Variants in PPA2 observed in about 807,000 individuals in gnomAD.
The protein encoded by PPA2 is inorganic pyrophosphatase 2, mitochondrial.
A neutral mutation model predicts 49.5 loss-of-function variants in PPA2; 48 were observed. The observed-to-expected ratio is 0.97, with a 90% CI of 0.77 to 1.23. The LOEUF (loss-of-function observed/expected upper bound fraction) is 1.23, where lower values mean the gene tolerates loss of function less well. Ranked by LOEUF, PPA2 falls within the 50% of genes most tolerant of loss-of-function variation. The pLI, the probability that PPA2 is intolerant of heterozygous loss-of-function variation, is 0.00. For missense variants in PPA2, 429 were observed against 410.1 expected (o/e 1.05, Z -0.40); for synonymous variants, 131 against 139.9 (o/e 0.94, Z 0.45).
At chr4:105,448,772 T>A (rs1221540964) in intron 4 of PPA2, among the ~76,000 whole-genome samples, 7 of 151,826 alleles carry the variant, frequency 4.6e-5, no homozygotes, top group African/African-American at 1.7e-4. Flanking sequence ...AGAATCTACT[T>A]AAACAACCTT....
intron 7 of PPA2, among the ~76,000 whole-genome samples, chr4:105,419,119 A>C (rs186032141): frequency 2.6e-5 from 4 of 151,236 alleles, no homozygotes; most frequent in Admixed American, 1.3e-4. Context: ...CAGGGCATAA[A>C]ATGGTCTTAG....
At chr4:105,440,655 C>G (rs921782459) in intron 5 of PPA2, among the ~76,000 whole-genome samples, 2 of 152,082 alleles carry the variant, frequency 1.3e-5, no homozygotes, top group African/African-American at 4.8e-5. Context: ...AACATGAAGC[C>G]CACATACTTA....
At chr4:105,421,161 G>A (rs576620951) in intron 7 of PPA2, among the ~76,000 whole-genome samples, 3 of 152,262 alleles carry the variant, frequency 2.0e-5, no homozygotes, top group East Asian at 3.9e-4. Context: ...ATACAACTTA[G>A]AGTTATTAGG....
intron 10 of PPA2, among the ~76,000 whole-genome samples, chr4:105,384,817 C>T (rs1733618304): frequency 6.6e-6 from 1 of 152,186 alleles, no homozygotes; most frequent in African/African-American, 2.4e-5. Flanking sequence ...GATTAGACCA[C>T]TCCTTTGCTG....
intron 7 of PPA2, among the ~76,000 whole-genome samples, chr4:105,415,023 T>G (rs975207108): frequency 6.6e-6 from 1 of 151,876 alleles, no homozygotes; most frequent in African/African-American, 2.4e-5. Context: ...GGTTGTCCCG[T>G]CCTCCCGAGT....
At chr4:105,413,938 T>A (rs1722879146) in intron 7 of PPA2, among the ~76,000 whole-genome samples, 1 of 152,192 alleles carries the variant, frequency 6.6e-6, no homozygotes, top group African/African-American at 2.4e-5. Flanking sequence ...ATAGCATCTC[T>A]GCAAATAGAA....
At chr4:105,422,745 T>C (rs1029495087) in intron 7 of PPA2, among the ~76,000 whole-genome samples, 2 of 152,222 alleles carry the variant, frequency 1.3e-5, no homozygotes, top group African/African-American at 2.4e-5. Flanking sequence ...TTAAGAACAA[T>C]ATCTACTATA....
At chr4:105,442,931 G>A (rs1006322849) in intron 5 of PPA2, among the ~76,000 whole-genome samples, 1 of 152,090 alleles carries the variant, frequency 6.6e-6, no homozygotes, top group Admixed American at 6.5e-5. Context: ...CATACACAAT[G>A]CATTAATTTA....
At chr4:105,369,818 A>C (rs1236963383) in intron 11 of PPA2, 65 bp from the exon 12 acceptor site, 19 of 1,414,374 alleles carry the variant, frequency 1.3e-5, no homozygotes, top group Non-Finnish European at 1.7e-5. Context: ...GGGAGTGATT[A>C]ATCAAATTTA....
chr4:105,458,818 CAAAAAAAAAAAA>C (rs57073135), intron 1 of PPA2, among the ~76,000 whole-genome samples: 9 of 31,510 alleles, frequency 2.9e-4, no homozygotes, highest in South Asian at 1.4e-3. Flanking sequence ...ACTCCACCTC[CAAAAAAAAAAAA>C]AAAAAAAAAA....
At chr4:105,395,600 C>T (rs1017969383) in intron 9 of PPA2, among the ~76,000 whole-genome samples, 2 of 151,968 alleles carry the variant, frequency 1.3e-5, no homozygotes, top group Admixed American at 1.3e-4. Flanking sequence ...CCTAAAAAGC[C>T]TCAATAAAGG....
intron 1 of PPA2, among the ~76,000 whole-genome samples, chr4:105,471,213 T>C (rs1041876976): frequency 6.6e-6 from 1 of 152,168 alleles, no homozygotes; most frequent in Non-Finnish European, 1.5e-5. Flanking sequence ...CCTCATTCCA[T>C]GGTTTTAAAA....
chr4:105,369,931 A>G (rs1007750989), intron 11 of PPA2, among the ~76,000 whole-genome samples, 178 bp from the exon 12 acceptor site: 1 of 152,182 alleles, frequency 6.6e-6, no homozygotes, highest in Non-Finnish European at 1.5e-5. Flanking sequence ...TTTCGTCCCA[A>G]GTTCTCTCAT....
intron 10 of PPA2, among the ~76,000 whole-genome samples, chr4:105,383,644 C>T (rs911779565): frequency 1.3e-5 from 2 of 152,152 alleles, no homozygotes; most frequent in Admixed American, 1.3e-4. Context: ...TAGCAATATG[C>T]ATCTCGAAAG....
At chr4:105,428,598 C>G (rs946193050) in intron 6 of PPA2, among the ~76,000 whole-genome samples, 46 of 150,628 alleles carry the variant, frequency 3.1e-4, no homozygotes, top group African/African-American at 1.1e-3. Context: ...CATGTTCTCC[C>G]TCATAAGTGG....
At chr4:105,460,376 T>C (rs1723034484) in intron 1 of PPA2, among the ~76,000 whole-genome samples, 1 of 148,952 alleles carries the variant, frequency 6.7e-6, no homozygotes, top group Admixed American at 6.6e-5. Flanking sequence ...GCATAGGTCA[T>C]ATGTAAATAC....
At chr4:105,396,166 C>A in intron 9 of PPA2, 83 bp downstream of exon 9, 2 of 896,140 alleles carry the variant, frequency 2.2e-6, no homozygotes, top group Non-Finnish European at 3.3e-6. Context: ...AAAAAAAATG[C>A]AAAAATCTGA....
intron 6 of PPA2, among the ~76,000 whole-genome samples, chr4:105,428,795 G>A (rs939810571): frequency 2.6e-5 from 4 of 152,022 alleles, no homozygotes; most frequent in Non-Finnish European, 5.9e-5. Context: ...TTTTGCACAT[G>A]TAACCCAGAA....
intron 7 of PPA2, among the ~76,000 whole-genome samples, chr4:105,414,119 G>GA (rs1722891731): frequency 1.3e-5 from 2 of 152,018 alleles, no homozygotes; most frequent in Admixed American, 6.6e-5. Flanking sequence ...GTAGTAAGCA[G>GA]AAAAATAAAG....
Sources: gnomAD v4.1 joint callset for allele counts (sites outside exome capture counted in the v4.1 genomes callset) on GRCh38, gnomAD v4.1.1 for gene constraint, MANE v1.5 for transcripts, NCBI Gene and HGNC (gene_info 2026-07-23, HGNC 2026-07-21) for gene names.